The following AAMDC variants were observed in gnomAD, a reference collection of about 807,000 sequenced individuals.
AAMDC encodes adipogenesis associated Mth938 domain containing.
AAMDC carries 16 observed loss-of-function variants against 15.5 expected under a neutral mutation model. The ratio of observed to expected loss-of-function variants is 1.03; its 90% CI spans 0.70 to 1.57. AAMDC has a LOEUF of 1.57. AAMDC is among the 40% of genes most tolerant of loss of function. The pLI is 0.00. For missense variants in AAMDC, 141 were observed against 144.9 expected (o/e 0.97, Z 0.14); for synonymous variants, 51 against 51.6 (o/e 0.99, Z 0.05).
rs1209705841 is a variant in AAMDC, at chr11:77,894,157, C to T, written c.329-6414C>T. On this transcript the variant is annotated intron_variant, in intron 5 of 5. Transcript: ENST00000304716. Reference sequence around the variant, plus strand: ...TTTTTTCCTAATTTAAGGTTAACGACATGGCCACAGATGATAGCTTGGCTG... The same window carrying T: ...TTTTTTCCTAATTTAAGGTTAACGATATGGCCACAGATGATAGCTTGGCTG... The T allele has an allele frequency of 1.1e-5, 6 of 539,862 alleles. No individual in the cohort carries two copies. In the African/African-American group the frequency reaches 1.2e-4, roughly 11 times the overall value. The allele number at this position is 539,862 out of a possible 1,614,324, so 33.4% of individuals were successfully genotyped here.
intron 1 of AAMDC, among the ~76,000 whole-genome samples, chr11:77,837,371 C>T (rs953474795): frequency 4.6e-5 from 7 of 151,252 alleles, no homozygotes; most frequent in Non-Finnish European, 8.8e-5. Flanking sequence ...CTCCTGACCT[C>T]GTGATCCGCC....
At chr11:77,880,835 T>C (rs530464543) in intron 5 of AAMDC, among the ~76,000 whole-genome samples, 1 of 152,208 alleles carries the variant, frequency 6.6e-6, no homozygotes, top group African/African-American at 2.4e-5. Flanking sequence ...TCTCAGTTAC[T>C]AGGGGGACTG....
At chr11:77,841,092 T>G in intron 1 of AAMDC, 1 of 669,596 alleles carries the variant, frequency 1.5e-6, no homozygotes, top group Non-Finnish European at 2.7e-6. Context: ...CATCCTATAG[T>G]GGAAGTCATC....
chr11:77,857,203 A>C (rs1950657676), intron 2 of AAMDC, among the ~76,000 whole-genome samples: 1 of 152,228 alleles, frequency 6.6e-6, no homozygotes, highest in Non-Finnish European at 1.5e-5. Flanking sequence ...CGGTAGATGA[A>C]CCAAGAGAGG....
At chr11:77,832,202 T>C (rs1044631013) in intron 1 of AAMDC, among the ~76,000 whole-genome samples, 1 of 152,188 alleles carries the variant, frequency 6.6e-6, no homozygotes, top group Admixed American at 6.5e-5. Flanking sequence ...CTTACAATTA[T>C]AGGTTTGGAA....
chr11:77,890,795 T>C (rs977619633), intron 5 of AAMDC, among the ~76,000 whole-genome samples: 3 of 152,246 alleles, frequency 2.0e-5, no homozygotes, highest in Non-Finnish European at 2.9e-5. Flanking sequence ...TAGTACTCTT[T>C]GTGGGGCTTA....
chr11:77,863,252 C>T (rs967826487), intron 2 of AAMDC, among the ~76,000 whole-genome samples: 1 of 152,142 alleles, frequency 6.6e-6, no homozygotes, highest in Non-Finnish European at 1.5e-5. Flanking sequence ...CTTTATTTAG[C>T]CCAATCGGGA....
intron 2 of AAMDC, among the ~76,000 whole-genome samples, chr11:77,858,289 C>T (rs1293942460): frequency 3.9e-5 from 5 of 128,316 alleles, no homozygotes; most frequent in Admixed American, 8.3e-5. Flanking sequence ...CCACCTCCTG[C>T]GTTTAAGCAA....
At chr11:77,885,863 T>C (rs1450434685) in intron 5 of AAMDC, among the ~76,000 whole-genome samples, 1 of 151,616 alleles carries the variant, frequency 6.6e-6, no homozygotes, top group Admixed American at 6.6e-5. Flanking sequence ...AGAGGGGGGC[T>C]GAAACAGCAA....
intron 2 of AAMDC, among the ~76,000 whole-genome samples, chr11:77,847,892 G>C (rs763592121): frequency 6.6e-6 from 1 of 152,108 alleles, no homozygotes; most frequent in East Asian, 1.9e-4. Flanking sequence ...GGAGCTGAAG[G>C]TTTAAATCCC....
intron 2 of AAMDC, among the ~76,000 whole-genome samples, chr11:77,863,223 T>C (rs530489777): frequency 1.1e-3 from 174 of 152,258 alleles, no homozygotes; most frequent in African/African-American, 4.1e-3. Flanking sequence ...CACTTAGCCA[T>C]GCAGGAACAA....
intron 2 of AAMDC, among the ~76,000 whole-genome samples, chr11:77,860,943 T>G (rs1452748038): frequency 1.3e-5 from 2 of 152,074 alleles, no homozygotes; most frequent in East Asian, 1.9e-4. Context: ...CCCCTAAAAT[T>G]GGAGTATTGC....
chr11:77,844,403 T>C (rs1352159647), intron 2 of AAMDC, among the ~76,000 whole-genome samples: 5 of 152,236 alleles, frequency 3.3e-5, no homozygotes, highest in African/African-American at 1.2e-4. Flanking sequence ...CCCTCTGTCG[T>C]CCAGGCTAGA....
intron 5 of AAMDC, among the ~76,000 whole-genome samples, chr11:77,881,394 A>C (rs1951785965): frequency 6.6e-6 from 1 of 152,182 alleles, no homozygotes; most frequent in African/African-American, 2.4e-5. Context: ...TCCAGGCCCC[A>C]TCACCTAGAT....
intron 2 of AAMDC, among the ~76,000 whole-genome samples, chr11:77,858,263 C>T (rs1300281952): frequency 1.4e-5 from 2 of 142,264 alleles, no homozygotes; most frequent in East Asian, 2.1e-4. Flanking sequence ...TGTGCAATCT[C>T]GGCTCACTAC....
intron 5 of AAMDC, among the ~76,000 whole-genome samples, chr11:77,888,110 C>T (rs10899412): frequency 0.38 from 57,584 of 151,734 alleles, 11,259 homozygotes; most frequent in African/African-American, 0.47. Context: ...GAGCCCACAT[C>T]GCCAAGTCAA....
At chr11:77,829,317 A>G (rs1006557771) in intron 1 of AAMDC, among the ~76,000 whole-genome samples, 3 of 152,210 alleles carry the variant, frequency 2.0e-5, no homozygotes, top group Non-Finnish European at 4.4e-5. Flanking sequence ...TATCTTGGAT[A>G]TGCCAGCTCC....
At position 77,888,878 on chromosome 11, in the gene AAMDC, C is replaced by A. The variant is rs552005607; in HGVS notation, c.329-11693C>A. Among the ~76,000 whole-genome samples the A allele has an allele frequency of 6.4e-4, 98 of 152,264 alleles. 2 individuals are homozygous for A. Among genetic ancestry groups the A allele is most frequent in the African/African-American group, 2.3e-3 (97 of 41,552 alleles). On this transcript the variant is annotated intron_variant, in intron 5 of 5. Coordinates refer to the AAMDC transcript ENST00000304716. ...TGCAAATCAAAACCACAGTGAGATACCATCTCACACCAGTTAGAATGGCTA... is the reference window on the plus strand; with the variant it reads ...TGCAAATCAAAACCACAGTGAGATAACATCTCACACCAGTTAGAATGGCTA...
downstream of AAMDC, among the ~76,000 whole-genome samples, chr11:77,903,099 A>C (rs1952827787): frequency 6.6e-6 from 1 of 152,188 alleles, no homozygotes; most frequent in Non-Finnish European, 1.5e-5. Context: ...AAGAGAAAAA[A>C]TCCAGGGAAT....
Sources: allele counts gnomAD v4.1 joint callset (sites outside exome capture counted in the v4.1 genomes callset), GRCh38; gene constraint gnomAD v4.1.1; transcripts MANE v1.5; gene names NCBI Gene and HGNC (gene_info 2026-07-23, HGNC 2026-07-21).